The following AFF3 variants were observed in gnomAD, a reference collection of about 807,000 sequenced individuals.
AFF3 encodes AF4/FMR2 family member 3.
A neutral mutation model predicts 129.7 loss-of-function variants in AFF3; 32 were observed. The ratio of observed to expected loss-of-function variants is 0.25; its 90% CI spans 0.19 to 0.33. AFF3 has a LOEUF of 0.33. AFF3 is among the 10% of genes least tolerant of loss of function. The probability of loss-of-function intolerance (pLI) is 1.00; values close to 1 mark genes in which losing one functional copy is unlikely to be tolerated. For synonymous variants in AFF3, 644 were observed against 635.4 expected (o/e 1.01, Z -0.20); for missense variants, 1,373 against 1,592.0 (o/e 0.86, Z 2.34).
At chr2:99,907,542 C>CT (rs1345183658) in intron 7 of AFF3, among the ~76,000 whole-genome samples, 2,008 of 140,584 alleles carry the variant, frequency 0.014, 21 homozygotes, top group Admixed American at 0.042. Flanking sequence ...TTTTACTATT[C>CT]TTTTTTTTTT....
Position 99,878,506 on chromosome 2 carries a change from T to TG in AFF3, c.874-40983_874-40982insC, listed in dbSNP as rs551277398. On this transcript the variant is annotated intron_variant, in intron 7 of 24. Transcript: ENST00000672756. ...TGATTTCTCCCTTTAATATGTTACT[T>TG]TATAACAAGTAGATTTTAATAAAAA... Among the ~76,000 whole-genome samples the TG allele has an allele frequency of 8.0e-4, 122 of 152,320 alleles. 1 individual carries two copies. The highest frequency in any genetic ancestry group is 6.8e-3 in the Middle Eastern group (2 of 294).
chr2:99,795,388 G>A (rs1197693492), intron 8 of AFF3, among the ~76,000 whole-genome samples: 3 of 152,118 alleles, frequency 2.0e-5, no homozygotes, highest in Non-Finnish European at 2.9e-5. Flanking sequence ...GACTCAGAAG[G>A]GCAATGGCTG....
intron 4 of AFF3, among the ~76,000 whole-genome samples, chr2:100,059,452 A>G (rs1377484151): frequency 6.6e-6 from 1 of 152,156 alleles, no homozygotes; most frequent in Non-Finnish European, 1.5e-5. Context: ...ATAATTAAAA[A>G]GTCTTAGTGA....
intron 4 of AFF3, among the ~76,000 whole-genome samples, chr2:100,045,516 A>G (rs1685761653): frequency 6.6e-6 from 1 of 151,254 alleles, no homozygotes; most frequent in Non-Finnish European, 1.5e-5. Flanking sequence ...AATACAGTTG[A>G]TCCTTCAACA....
chr2:99,637,098 G>A (rs894499078), intron 13 of AFF3, among the ~76,000 whole-genome samples: 1 of 152,200 alleles, frequency 6.6e-6, no homozygotes, highest in African/African-American at 2.4e-5. Context: ...TGGGTAGAGG[G>A]TGCTGGCCTG....
chr2:99,880,674 G>A (rs1692643472), intron 7 of AFF3, among the ~76,000 whole-genome samples: 2 of 152,172 alleles, frequency 1.3e-5, no homozygotes, highest in South Asian at 2.1e-4. Context: ...CCACTGAGTA[G>A]CTGGGAAAAT....
intron 13 of AFF3, among the ~76,000 whole-genome samples, chr2:99,622,862 C>G (rs1682164864): frequency 6.6e-6 from 1 of 152,168 alleles, no homozygotes; most frequent in Non-Finnish European, 1.5e-5. Context: ...CAGGACGACT[C>G]AGACATGTAC....
intron 20 of AFF3, among the ~76,000 whole-genome samples, chr2:99,563,855 A>AT (rs1340656440): frequency 1.3e-5 from 2 of 151,468 alleles, no homozygotes; most frequent in Non-Finnish European, 2.9e-5. Flanking sequence ...AAAGAGCCAA[A>AT]TTTGTCTTTT....
intron 4 of AFF3, among the ~76,000 whole-genome samples, chr2:100,010,843 T>C (rs1682461934): frequency 1.3e-5 from 2 of 152,122 alleles, no homozygotes; most frequent in Non-Finnish European, 2.9e-5. Flanking sequence ...GAACATTCCA[T>C]GGATTTAAAA....
intron 13 of AFF3, among the ~76,000 whole-genome samples, chr2:99,617,889 T>A (rs370003950): frequency 1.6e-4 from 25 of 152,148 alleles, no homozygotes; most frequent in East Asian, 1.5e-3. Flanking sequence ...CATATCAGGT[T>A]AGTGGAGGAG....
Position 99,560,396 on chromosome 2 carries a change from T to C in AFF3, c.3160A>G (p.Thr1054Ala), listed in dbSNP as rs1199400379. 5.6e-6 allele frequency: 9 copies of C among 1,614,184 alleles called. No individual in the cohort carries two copies. The highest frequency in any genetic ancestry group is 7.6e-6 in the Non-Finnish European group (9 of 1,180,012). The change falls in exon 21 of 25, where the codon ACA becomes GCA. Residue 1054 changes from threonine (T) to alanine (A), a missense_variant. Thr to Ala is a moderately conservative substitution (Grantham distance 58). Transcript: ENST00000672756. Reference protein sequence around the residue: ...RLKTHSGPNATPEDKQLAALC... With the variant: ...RLKTHSGPNAAPEDKQLAALC... ...GCAGCCAGTTGTTTGTCTTCTGGTG[T>C]GGCATTGGGGCCTGAGTGGGTTTTT... is the stretch of plus-strand genomic sequence containing the variant.
At chr2:99,605,168 A>C (rs746450082) in intron 13 of AFF3, among the ~76,000 whole-genome samples, 2 of 152,238 alleles carry the variant, frequency 1.3e-5, no homozygotes, top group Admixed American at 6.5e-5. Context: ...GAAAAACCTT[A>C]TACGTTAATG....
At position 100,006,844 on chromosome 2, in the gene AFF3, C is replaced by T; in HGVS notation, c.661G>A (p.Ala221Thr). The T allele has an allele frequency of 6.2e-7, 1 of 1,614,172 alleles. No individual in the cohort carries two copies. The highest frequency in any genetic ancestry group is 8.5e-7 in the Non-Finnish European group (1 of 1,180,044). The change falls in exon 7 of 25, where the codon GCT becomes ACT. Residue 221 changes from alanine (A) to threonine (T), a missense_variant. Ala to Thr is a moderately conservative substitution (Grantham distance 58). Transcript: ENST00000672756. ...HCVQNFPPSL[A>T]SKPSLVQQKP... The stretch of plus-strand genomic sequence containing the variant: ...TGCTGGACCAGGCTGGGTTTTGAAG[C>T]TAGGGATGGAGGAAAGTTCTGAACA...
At chr2:100,038,625 T>C (rs983028849) in intron 4 of AFF3, among the ~76,000 whole-genome samples, 7 of 152,070 alleles carry the variant, frequency 4.6e-5, no homozygotes, top group Non-Finnish European at 1.0e-4. Flanking sequence ...CTGTGACACA[T>C]ACATGCACAA....
intron 7 of AFF3, among the ~76,000 whole-genome samples, chr2:99,922,836 G>A (rs534421368): frequency 2.0e-5 from 3 of 152,116 alleles, no homozygotes; most frequent in South Asian, 2.1e-4. Flanking sequence ...TAAACCTCAC[G>A]GTTCCAGGCC....
At chr2:100,025,497 G>A (rs548053148) in intron 4 of AFF3, among the ~76,000 whole-genome samples, 4 of 152,058 alleles carry the variant, frequency 2.6e-5, no homozygotes, top group East Asian at 1.9e-4. Context: ...CAAATTCAAC[G>A]CAATCCCCAT....
At chr2:99,895,972 G>A (rs925135241) in intron 7 of AFF3, among the ~76,000 whole-genome samples, 1 of 147,932 alleles carries the variant, frequency 6.8e-6, no homozygotes, top group African/African-American at 2.5e-5. Context: ...GGGAGGCTAA[G>A]GCAGGAGAAT....
At chr2:100,081,431 AG>A (rs1267618226) in intron 4 of AFF3, among the ~76,000 whole-genome samples, 1 of 151,804 alleles carries the variant, frequency 6.6e-6, no homozygotes, top group Non-Finnish European at 1.5e-5. Context: ...TGGGCAAGCG[AG>A]AAAATCGCCA....
chr2:99,654,010 G>C (rs1685523770), intron 12 of AFF3, among the ~76,000 whole-genome samples: 3 of 151,946 alleles, frequency 2.0e-5, no homozygotes. Flanking sequence ...CTCCAGAGTA[G>C]CTGGGATTAC....
Sources: allele counts gnomAD v4.1 joint callset (sites outside exome capture counted in the v4.1 genomes callset), GRCh38; gene constraint gnomAD v4.1.1; transcripts MANE v1.5; gene names NCBI Gene and HGNC (gene_info 2026-07-23, HGNC 2026-07-21).